The following IGF1R variants were observed in gnomAD, a reference collection of about 807,000 sequenced individuals.
IGF1R encodes the protein insulin like growth factor 1 receptor, also known as insulin-like growth factor 1 receptor.
Under a neutral mutation model 144.6 loss-of-function variants are expected in IGF1R, and 44 were observed. That is an observed-to-expected ratio of 0.30 (90% confidence interval 0.24 to 0.39). IGF1R has a LOEUF of 0.39. Among genes scored for constraint, IGF1R ranks in the 10% least tolerant of loss-of-function variants. The pLI is 1.00. For missense variants in IGF1R, 1,355 were observed against 1,833.7 expected (o/e 0.74, Z 4.77); for synonymous variants, 795 against 722.8 (o/e 1.10, Z -1.60).
intron 2 of IGF1R, among the ~76,000 whole-genome samples, chr15:98,874,111 G>A (rs1027492482): frequency 2.8e-4 from 42 of 152,258 alleles, no homozygotes; most frequent in African/African-American, 9.9e-4. Flanking sequence ...GGACAGGGCG[G>A]GCAGGAGGAT....
At chr15:98,845,533 T>C (rs1187039839) in intron 2 of IGF1R, among the ~76,000 whole-genome samples, 6 of 122,792 alleles carry the variant, frequency 4.9e-5, no homozygotes, top group African/African-American at 1.8e-4. Flanking sequence ...CTCCCCCTCC[T>C]TCCTCCTCCT....
chr15:98,905,224 C>G (rs1275641612), intron 5 of IGF1R, among the ~76,000 whole-genome samples: 1 of 152,166 alleles, frequency 6.6e-6, no homozygotes, highest in South Asian at 2.1e-4. Context: ...CTGTTCCCAT[C>G]CTGTGTGGTC....
At chr15:98,726,070 C>T (rs1348809068) in intron 2 of IGF1R, among the ~76,000 whole-genome samples, 5 of 152,220 alleles carry the variant, frequency 3.3e-5, no homozygotes, top group Non-Finnish European at 5.9e-5. Context: ...GTGATCATGA[C>T]TGGCATTCAC....
chr15:98,649,712 A>G (rs1166037859), intron 1 of IGF1R, 37 bp downstream of exon 1: 2 of 1,486,452 alleles, frequency 1.3e-6, no homozygotes, highest in South Asian at 2.3e-5. Context: ...CACTGCGGGA[A>G]CTTTTCCTCC....
At position 98,924,623 on chromosome 15, in the gene IGF1R, C is replaced by G; in HGVS notation, c.2721C>G (p.Ala907=). 6.2e-7 allele frequency: 1 copy of G among 1,614,160 alleles called. No homozygotes were observed. Residue 907 remains alanine, a synonymous_variant, in exon 13 of 21, where the codon GCC becomes GCG. Transcript: ENST00000650285. ...GGAACTACACAGCCCGGATTCAGGC[C>G]ACATCTCTCTCTGGGAATGGGTCGT... ...NPGNYTARIQ[A]TSLSGNGSWT...
At chr15:98,661,512 TAAAAAAGCATC>T (rs2052597956) in intron 1 of IGF1R, among the ~76,000 whole-genome samples, 1 of 152,180 alleles carries the variant, frequency 6.6e-6, no homozygotes, top group Non-Finnish European at 1.5e-5. Context: ...GAGTAGCTTG[TAAAAAAGCATC>T]TTGTGAAATT....
chr15:98,861,443 C>T (rs1315461426), intron 2 of IGF1R, among the ~76,000 whole-genome samples: 1 of 152,180 alleles, frequency 6.6e-6, no homozygotes, highest in Non-Finnish European at 1.5e-5. Context: ...CCTTAGTGTT[C>T]ATAACCCCAA....
At chr15:98,926,656 G>A (rs895298625) in intron 13 of IGF1R, among the ~76,000 whole-genome samples, 3 of 152,198 alleles carry the variant, frequency 2.0e-5, no homozygotes, top group Non-Finnish European at 4.4e-5. Context: ...ATCTGTTTGT[G>A]ATATCTGAAA....
intron 2 of IGF1R, among the ~76,000 whole-genome samples, chr15:98,869,834 T>G (rs547711621): frequency 6.6e-5 from 10 of 152,342 alleles, no homozygotes; most frequent in Non-Finnish European, 1.2e-4. Context: ...GCTTTGCTTT[T>G]GGAAAGTTTG....
Position 98,959,346 on chromosome 15 carries a change from G to T in IGF1R, c.*1904G>T, listed in dbSNP as rs886051582. 2 of 233,592 alleles carry T rather than the reference G, an allele frequency of 8.6e-6. No homozygotes were observed. Among genetic ancestry groups the T allele is most frequent in the Non-Finnish European group, 8.5e-6 (1 of 118,040 alleles). 14.5% of individuals were successfully genotyped at this position (233,592 alleles called of 1,614,324 possible). A position where few individuals can be genotyped will look rare whatever the true frequency, so the allele number is the denominator to read the frequency against. On this transcript the variant is annotated 3_prime_UTR_variant, in exon 21 of 21. Transcript: ENST00000650285. ...CCAAGGGAGCAGCAGAGCGTGGTCC[G>T]GCAGGGCCTGTTGTGGCCCTCGCCA... is the stretch of plus-strand genomic sequence containing the variant.
intron 1 of IGF1R, among the ~76,000 whole-genome samples, chr15:98,673,130 G>A (rs766940494): frequency 2.5e-4 from 38 of 152,172 alleles, no homozygotes; most frequent in Non-Finnish European, 5.4e-4. Context: ...AAGTAGTTGG[G>A]CTGATAGACA....
intron 20 of IGF1R, among the ~76,000 whole-genome samples, chr15:98,955,437 T>C (rs2016940622): frequency 6.6e-6 from 1 of 152,260 alleles, no homozygotes; most frequent in Non-Finnish European, 1.5e-5. Flanking sequence ...TCTGTCCTAA[T>C]GTCCTCAGCT....
Position 98,649,766 on chromosome 15 carries a change from C to T in IGF1R, c.94+91C>T, listed in dbSNP as rs565945913. The T allele has an allele frequency of 4.9e-4, 480 of 980,210 alleles. 3 individuals are homozygous for T. In the Middle Eastern group the frequency reaches 5.0e-3, roughly 10 times the overall value. The allele number at this position is 980,210 out of a possible 1,614,324, so 60.7% of individuals were successfully genotyped here. A position where few individuals can be genotyped will look rare whatever the true frequency, so the allele number is the denominator to read the frequency against. On this transcript the variant is annotated intron_variant, in intron 1 of 20. Transcript: ENST00000650285. ...TGCGAAACCCGAGTTGCCACCGTCGCAGCTGTCGGGCCCCCGGGCTCGGGA... is the reference window on the plus strand; with the variant it reads ...TGCGAAACCCGAGTTGCCACCGTCGTAGCTGTCGGGCCCCCGGGCTCGGGA...
intron 20 of IGF1R, among the ~76,000 whole-genome samples, chr15:98,953,950 G>A (rs541286774): frequency 3.9e-5 from 6 of 152,234 alleles, no homozygotes; most frequent in Admixed American, 2.0e-4. Flanking sequence ...GTCCACAGCC[G>A]CTCCTGGCTG....
chr15:98,925,078 AGGGCTC>A (rs1165603102), intron 13 of IGF1R, among the ~76,000 whole-genome samples: 2 of 152,020 alleles, frequency 1.3e-5, no homozygotes, highest in Non-Finnish European at 2.9e-5. Flanking sequence ...AAAGCTAGAT[AGGGCTC>A]GGATTCAGGG....
At chr15:98,929,380 ATTGT>A (rs777131019) in intron 13 of IGF1R, among the ~76,000 whole-genome samples, 174 bp from the exon 14 acceptor site, 12 of 152,168 alleles carry the variant, frequency 7.9e-5, no homozygotes, top group East Asian at 1.9e-4. Context: ...TTTTCAAATA[ATTGT>A]TTGTTTGCCG....
At chr15:98,814,136 A>G (rs778439929) in intron 2 of IGF1R, among the ~76,000 whole-genome samples, 1 of 152,236 alleles carries the variant, frequency 6.6e-6, no homozygotes, top group Non-Finnish European at 1.5e-5. Context: ...GTTATTAACC[A>G]TACATAGCAA....
intron 18 of IGF1R, 22 bp from the exon 19 acceptor site, chr15:98,942,901 T>G (rs748991908): frequency 2.4e-5 from 38 of 1,613,906 alleles, no homozygotes; most frequent in Non-Finnish European, 2.8e-5. Context: ...CGTGTGACTC[T>G]GCGCCCTCTC....
intron 2 of IGF1R, among the ~76,000 whole-genome samples, chr15:98,801,276 C>T (rs762093634): frequency 1.3e-5 from 2 of 152,174 alleles, no homozygotes; most frequent in African/African-American, 2.4e-5. Context: ...GTGAGCGGCT[C>T]TTTATTTGTG....
Sources: allele counts gnomAD v4.1 joint callset (sites outside exome capture counted in the v4.1 genomes callset), GRCh38; gene constraint gnomAD v4.1.1; transcripts MANE v1.5; gene names NCBI Gene and HGNC (gene_info 2026-07-23, HGNC 2026-07-21).